Variants in SNTG1 observed in about 807,000 individuals in gnomAD.
SNTG1 encodes the protein gamma-1-syntrophin.
Under a neutral mutation model 74.7 loss-of-function variants are expected in SNTG1, and 39 were observed. That is an observed-to-expected ratio of 0.52 (90% CI 0.40 to 0.68). The LOEUF is 0.68. Ranked by LOEUF, SNTG1 falls within the 30% of genes least tolerant of loss-of-function variation. SNTG1 has a pLI of 0.00. For synonymous variants in SNTG1, 254 were observed against 217.1 expected (o/e 1.17, Z -1.49); for missense variants, 685 against 609.5 (o/e 1.12, Z -1.30).
rs1373728400 is a variant in SNTG1, at chr8:50,125,258, TA to T, written c.-102-47302del. ...TGTGAAATTAAATCCCAGCTAAGAA[TA>T]TAAGCCATTATTTAAAGCAATTACA... On this transcript the variant is annotated intron_variant, in intron 1 of 18. Coordinates refer to ENST00000642720, the MANE Select transcript of SNTG1 (RefSeq NM_018967.5). Among the ~76,000 whole-genome samples the T allele has an allele frequency of 3.5e-5, 5 of 142,608 alleles. 1 individual carries two copies. The highest frequency in any genetic ancestry group is 7.8e-5 in the Non-Finnish European group (5 of 63,972). 93.6% of individuals were successfully genotyped at this position (142,608 alleles called of 152,430 possible).
chr8:50,171,638 A>G (rs1452491861), intron 1 of SNTG1, among the ~76,000 whole-genome samples: 1 of 152,184 alleles, frequency 6.6e-6, no homozygotes, highest in African/African-American at 2.4e-5. Flanking sequence ...AGTGTTAACC[A>G]TCACACCATC....
intron 18 of SNTG1, among the ~76,000 whole-genome samples, chr8:50,758,816 A>G (rs1387536241): frequency 6.6e-6 from 1 of 152,124 alleles, no homozygotes; most frequent in Non-Finnish European, 1.5e-5. Context: ...AGAATGGTTT[A>G]TAACCCTTTG....
chr8:50,200,060 G>C (rs1222678525), intron 2 of SNTG1, among the ~76,000 whole-genome samples: 1 of 152,082 alleles, frequency 6.6e-6, no homozygotes, highest in Non-Finnish European at 1.5e-5. Context: ...TGCCTACCTG[G>C]TTGTTTTAGA....
chr8:50,660,229 A>G (rs1471428916), intron 15 of SNTG1, among the ~76,000 whole-genome samples: 1 of 143,718 alleles, frequency 7.0e-6, no homozygotes, highest in Non-Finnish European at 1.5e-5. Flanking sequence ...AGAAGAAAAG[A>G]AAAGGAAAGA....
chr8:50,155,073 G>T (rs1236174428), intron 1 of SNTG1, among the ~76,000 whole-genome samples: 1 of 152,184 alleles, frequency 6.6e-6, no homozygotes, highest in Admixed American at 6.5e-5. Context: ...AATAGCTTGT[G>T]AAAGAATTAG....
chr8:50,712,546 G>T (rs1247101709), intron 17 of SNTG1, among the ~76,000 whole-genome samples: 1 of 152,030 alleles, frequency 6.6e-6, no homozygotes, highest in African/African-American at 2.4e-5. Context: ...ATGCATGTTT[G>T]TTACATAGGT....
chr8:49,915,325 T>C (rs1332639155), intron 1 of SNTG1, among the ~76,000 whole-genome samples: 2 of 152,166 alleles, frequency 1.3e-5, no homozygotes, highest in Non-Finnish European at 2.9e-5. Flanking sequence ...CTGTGAGTTA[T>C]TATAAATAAT....
At chr8:49,991,289 T>C (rs1231236039) in intron 1 of SNTG1, among the ~76,000 whole-genome samples, 1 of 151,932 alleles carries the variant, frequency 6.6e-6, no homozygotes, top group Admixed American at 6.6e-5. Context: ...AGAAAGGTAA[T>C]AGAAAGTGTT....
intron 1 of SNTG1, among the ~76,000 whole-genome samples, chr8:50,151,036 G>T (rs886604012): frequency 1.3e-5 from 2 of 152,140 alleles, no homozygotes; most frequent in South Asian, 4.1e-4. Context: ...GAATCTGCCT[G>T]GTCCTGGACT....
intron 2 of SNTG1, among the ~76,000 whole-genome samples, chr8:50,377,963 G>A (rs182920890): frequency 2.3e-4 from 35 of 152,318 alleles, no homozygotes; most frequent in Admixed American, 5.2e-4. Flanking sequence ...TCGCTTTTCC[G>A]GATGGAAACC....
rs180741402 is a variant in SNTG1 at position 50,508,035 on chromosome 8, G to A, written c.466+5155G>A. The stretch of plus-strand genomic sequence containing the variant: ...TGCCCCCATTAACTCATCATTTAAC[G>A]TTAGATATATCTCCTAATGCTATCC... On this transcript the variant is annotated intron_variant, in intron 9 of 18. Transcript: ENST00000642720. 3.7e-3 allele frequency among the ~76,000 whole-genome samples: 560 copies of A among 150,254 alleles called. 6 individuals are homozygous for A. The highest frequency in any genetic ancestry group is 0.012 in the African/African-American group (501 of 40,766).
intron 10 of SNTG1, among the ~76,000 whole-genome samples, chr8:50,532,344 A>T (rs1302290729): frequency 6.6e-6 from 1 of 152,200 alleles, no homozygotes; most frequent in East Asian, 1.9e-4. Context: ...CCCTCTAGCT[A>T]TTTTACTTTG....
At chr8:50,207,273 C>A (rs920722023) in intron 2 of SNTG1, among the ~76,000 whole-genome samples, 1 of 152,142 alleles carries the variant, frequency 6.6e-6, no homozygotes, top group Non-Finnish European at 1.5e-5. Flanking sequence ...ATGGATTCAA[C>A]TTCTTCCTGG....
chr8:50,469,707 G>T (rs906745331), intron 8 of SNTG1, among the ~76,000 whole-genome samples: 1 of 152,104 alleles, frequency 6.6e-6, no homozygotes, highest in Non-Finnish European at 1.5e-5. Context: ...TTGCAGGCAT[G>T]GTGGCTCACG....
chr8:50,651,965 G>T (rs969736616), intron 13 of SNTG1, among the ~76,000 whole-genome samples: 1 of 151,604 alleles, frequency 6.6e-6, no homozygotes, highest in Non-Finnish European at 1.5e-5. Flanking sequence ...GGTCAGGGTG[G>T]TCTCGAACCC....
chr8:50,779,404 G>A (rs917738416), intron 18 of SNTG1, among the ~76,000 whole-genome samples: 1 of 152,072 alleles, frequency 6.6e-6, no homozygotes, highest in South Asian at 2.1e-4. Context: ...AGTTCTCCTT[G>A]AAGAGGTCCT....
intron 1 of SNTG1, among the ~76,000 whole-genome samples, chr8:49,933,481 G>A (rs574826036): frequency 1.1e-4 from 16 of 152,122 alleles, no homozygotes; most frequent in Admixed American, 2.0e-4. Flanking sequence ...TCTTTGGTCC[G>A]TTTTGAGCAA....
chr8:50,760,643 G>T (rs2095595839), intron 18 of SNTG1, among the ~76,000 whole-genome samples: 1 of 151,634 alleles, frequency 6.6e-6, no homozygotes, highest in Non-Finnish European at 1.5e-5. Flanking sequence ...TAATAAAGAA[G>T]TAAAGAGAGA....
intron 15 of SNTG1, among the ~76,000 whole-genome samples, chr8:50,681,163 AC>A (rs1174480492): frequency 5.9e-5 from 9 of 152,190 alleles, no homozygotes; most frequent in Non-Finnish European, 7.4e-5. Context: ...AGAAATAATA[AC>A]CTATTTTGGC....
Sources: gnomAD v4.1 joint callset for allele counts (sites outside exome capture counted in the v4.1 genomes callset) on GRCh38, gnomAD v4.1.1 for gene constraint, MANE v1.5 for transcripts, NCBI Gene and HGNC (gene_info 2026-07-23, HGNC 2026-07-21) for gene names.